The following CELF2 variants were observed in gnomAD, a reference collection of about 807,000 sequenced individuals.
CELF2 encodes CUG triplet repeat RNA-binding protein 2.
A neutral mutation model predicts 62.6 loss-of-function variants in CELF2; 8 were observed. The observed-to-expected ratio is 0.13, with a 90% CI of 0.07 to 0.23. The LOEUF is 0.23. Among genes scored for constraint, CELF2 ranks in the 10% least tolerant of loss-of-function variants. The pLI is 1.00. For synonymous variants in CELF2, 258 were observed against 250.0 expected, an observed-to-expected ratio of 1.03 and a Z score of -0.30; for missense variants, 333 against 671.0, an observed-to-expected ratio of 0.50 and a Z score of 5.56.
At chr10:10,660,955 C>T in the CELF2 span, among the ~76,000 whole-genome samples, 2 of 152,190 alleles carry the variant, frequency 1.3e-5, no homozygotes, top group African/African-American at 4.8e-5. Flanking sequence ...CTCTGAATAA[C>T]TTAGTCATAG....
At chr10:11,312,159 T>C (rs1467872377) in intron 9 of CELF2, among the ~76,000 whole-genome samples, 2 of 152,124 alleles carry the variant, frequency 1.3e-5, no homozygotes, top group South Asian at 4.1e-4. Context: ...AACCTCTCAG[T>C]CTCGAATACC....
chr10:10,743,082 A>G, the CELF2 span, among the ~76,000 whole-genome samples: 1 of 152,220 alleles, frequency 6.6e-6, no homozygotes, highest in Non-Finnish European at 1.5e-5. Flanking sequence ...TAAATGATGA[A>G]GAAAATGATA....
chr10:10,517,976 AC>A, the CELF2 span, among the ~76,000 whole-genome samples: 6 of 152,178 alleles, frequency 3.9e-5, no homozygotes, highest in Middle Eastern at 3.2e-3. Context: ...CCTCCCTGGC[AC>A]TGCTGGATTT....
In CELF2 at chr10:11,247,713, C is replaced by T. The variant is rs2076036146; in HGVS notation, c.355-1440C>T. ...ACTGACATAGGGTACCTGTTTGCTCCATACCTGCTGGACAACCAGACAGAT... is the reference window on the plus strand; with the variant it reads ...ACTGACATAGGGTACCTGTTTGCTCTATACCTGCTGGACAACCAGACAGAT... On this transcript the variant is annotated intron_variant, in intron 3 of 12. Transcript: ENST00000633077. This position sits in a 1 kb window ranked among gnomAD's most constrained non-coding sequence, Gnocchi z 5.4. 6.6e-6 allele frequency among the ~76,000 whole-genome samples: 1 copy of T among 152,178 alleles called. No individual in the cohort carries two copies. Among genetic ancestry groups the T allele is most frequent in the South Asian group, 2.1e-4 (1 of 4,832 alleles).
chr10:10,811,479 T>TG (rs986888844), intron 1 of CELF2, among the ~76,000 whole-genome samples: 15 of 151,616 alleles, frequency 9.9e-5, no homozygotes, highest in African/African-American at 3.4e-4. Context: ...CCCACAGAGA[T>TG]GGGGGGAGAG....
the CELF2 span, among the ~76,000 whole-genome samples, chr10:10,626,267 C>T: frequency 1.3e-5 from 2 of 152,138 alleles, no homozygotes; most frequent in Non-Finnish European, 2.9e-5. Context: ...GGATCTACAC[C>T]AGGGTCCTCA....
the CELF2 span, among the ~76,000 whole-genome samples, chr10:10,658,190 C>T: frequency 2.0e-5 from 3 of 152,174 alleles, no homozygotes; most frequent in African/African-American, 4.8e-5. Context: ...AAAAAAAACC[C>T]TAATACATGG....
upstream of CELF2, among the ~76,000 whole-genome samples, chr10:11,004,185 T>C (rs977623315): frequency 6.6e-6 from 1 of 152,148 alleles, no homozygotes; most frequent in African/African-American, 2.4e-5. This position sits in a 1 kb window ranked among gnomAD's most constrained non-coding sequence, Gnocchi z 5.0. Flanking sequence ...TCTATTATTA[T>C]CCCCAGTAAT....
chr10:10,606,918 C>T, the CELF2 span, among the ~76,000 whole-genome samples: 2 of 152,054 alleles, frequency 1.3e-5, no homozygotes, highest in Admixed American at 1.3e-4. Flanking sequence ...TAACTGTGTA[C>T]CCTGTGTACC....
At position 11,255,298 on chromosome 10, in the gene CELF2, AACACAAGCAGTGGCTCAGGCCAGC is replaced by A. The variant is rs1187296339; in HGVS notation, c.404-2439_404-2416del. 6.6e-6 allele frequency among the ~76,000 whole-genome samples: 1 copy of A among 152,138 alleles called. No individual in the cohort carries two copies. ...GTTGCCCATGTCTCCTCCGAGTCTG[AACACAAGCAGTGGCTCAGGCCAGC>A]TGATGCTTTCCTCACTGAGCTCCTT... On this transcript the variant is annotated intron_variant, in intron 4 of 12. Coordinates refer to ENST00000633077, the MANE Select transcript of CELF2 (RefSeq NM_001326342.2). The surrounding 1 kb of genome is among the most constrained non-coding windows in gnomAD (Gnocchi z 5.5).
the CELF2 span, among the ~76,000 whole-genome samples, chr10:10,686,777 C>T: frequency 6.6e-6 from 1 of 152,124 alleles, no homozygotes; most frequent in African/African-American, 2.4e-5. Context: ...TTATAAATTA[C>T]CCAGTCTCAG....
At chr10:10,840,917 CA>C (rs1462890580) in intron 1 of CELF2, among the ~76,000 whole-genome samples, 4 of 152,156 alleles carry the variant, frequency 2.6e-5, no homozygotes, top group African/African-American at 9.7e-5. Flanking sequence ...GTTCAACCCC[CA>C]CTTATGAGTG....
chr10:11,086,839 A>G (rs112021881), intron 1 of CELF2, among the ~76,000 whole-genome samples: 7 of 152,308 alleles, frequency 4.6e-5, no homozygotes, highest in African/African-American at 1.7e-4. Context: ...ATATTTCTAC[A>G]CATTCCAGGG....
At chr10:10,812,144 T>C (rs1490131555) in intron 1 of CELF2, among the ~76,000 whole-genome samples, 1 of 151,942 alleles carries the variant, frequency 6.6e-6, no homozygotes, top group Non-Finnish European at 1.5e-5. Flanking sequence ...TAAAGAAAAA[T>C]AGGTTTAATG....
At chr10:10,643,188 T>C in the CELF2 span, among the ~76,000 whole-genome samples, 12 of 152,302 alleles carry the variant, frequency 7.9e-5, no homozygotes, top group African/African-American at 2.9e-4. Flanking sequence ...CCATCAATGA[T>C]GTAGTTCTTG....
chr10:10,672,310 C>A, the CELF2 span, among the ~76,000 whole-genome samples: 2 of 152,148 alleles, frequency 1.3e-5, no homozygotes, highest in East Asian at 3.8e-4. Context: ...CTCAAAAAGT[C>A]ATTGCCAAAT....
At chr10:10,797,936 C>T (rs889714152), upstream of CELF2, among the ~76,000 whole-genome samples, 3 of 151,924 alleles carry the variant, frequency 2.0e-5, no homozygotes, top group Non-Finnish European at 4.4e-5. Flanking sequence ...CAATTTCAAA[C>T]GAGTATTGGA....
chr10:10,899,045 A>C (rs983141240), intron 1 of CELF2, among the ~76,000 whole-genome samples: 1 of 152,234 alleles, frequency 6.6e-6, no homozygotes, highest in Non-Finnish European at 1.5e-5. Context: ...TGAATAGGTA[A>C]AGAAATACAG....
chr10:10,589,209 T>C, the CELF2 span, among the ~76,000 whole-genome samples: 1 of 152,156 alleles, frequency 6.6e-6, no homozygotes, highest in Non-Finnish European at 1.5e-5. Flanking sequence ...GGCAATTTGT[T>C]GAGTTGTTAG....
Sources: gnomAD v4.1 joint callset for allele counts (sites outside exome capture counted in the v4.1 genomes callset) on GRCh38, gnomAD v4.1.1 for gene constraint, Gnocchi (gnomAD v3.1) non-coding constraint, MANE v1.5 for transcripts, NCBI Gene and HGNC (gene_info 2026-07-23, HGNC 2026-07-21) for gene names.